The following COL10A1 variants were observed in gnomAD, a reference collection of about 807,000 sequenced individuals.
COL10A1 encodes collagen type X alpha 1 chain.
A neutral mutation model predicts 18.2 loss-of-function variants in COL10A1; 10 were observed. That is an observed-to-expected ratio of 0.55 (90% CI 0.34 to 0.93). COL10A1 has a LOEUF of 0.93. Ranked by LOEUF, COL10A1 falls within the 40% of genes least tolerant of loss-of-function variation. The probability of loss-of-function intolerance (pLI) is 0.02; values close to 1 mark genes in which losing one functional copy is unlikely to be tolerated. For missense variants in COL10A1, 897 were observed against 853.5 expected (o/e 1.05, Z -0.64); for synonymous variants, 330 against 316.6 (o/e 1.04, Z -0.45).
At chr6:116,143,128 C>G (rs1779806643) in intron 1 of COL10A1, among the ~76,000 whole-genome samples, 1 of 152,080 alleles carries the variant, frequency 6.6e-6, no homozygotes, top group Admixed American at 6.5e-5. Context: ...ATAAATTTGC[C>G]TCTGGCATAG....
chr6:116,129,880 C>A (rs1190319236), upstream of COL10A1, among the ~76,000 whole-genome samples: 1 of 152,062 alleles, frequency 6.6e-6, no homozygotes, highest in Non-Finnish European at 1.5e-5. Context: ...GTAGTTAAAT[C>A]TAGAGTTTTC....
the COL10A1 span, among the ~76,000 whole-genome samples, chr6:116,209,879 G>T: frequency 6.6e-6 from 1 of 151,854 alleles, no homozygotes; most frequent in Non-Finnish European, 1.5e-5. Context: ...GCTTCTGAAC[G>T]CAAGTTATTT....
At chr6:116,146,334 TAGAC>T (rs2114382150) in intron 1 of COL10A1, among the ~76,000 whole-genome samples, 1 of 152,350 alleles carries the variant, frequency 6.6e-6, no homozygotes, top group East Asian at 1.9e-4. Context: ...CTGTGATTTT[TAGAC>T]AGCTTGCTAA....
chr6:116,155,908 AC>A (rs1294536701), intron 1 of COL10A1, among the ~76,000 whole-genome samples: 2 of 152,154 alleles, frequency 1.3e-5, no homozygotes, highest in African/African-American at 4.8e-5. Context: ...ATACAAAAAA[AC>A]AATGGGAGAA....
intron 1 of COL10A1, among the ~76,000 whole-genome samples, chr6:116,149,822 T>C (rs887593311): frequency 2.0e-5 from 3 of 152,184 alleles, no homozygotes; most frequent in African/African-American, 7.2e-5. Flanking sequence ...TTAATGAGTC[T>C]CCCTTCTTTA....
chr6:116,199,988 A>G, the COL10A1 span, among the ~76,000 whole-genome samples: 3 of 100,910 alleles, frequency 3.0e-5, no homozygotes, highest in Non-Finnish European at 5.9e-5. Flanking sequence ...CAAAGAGTAC[A>G]GTATGGAAAG....
In COL10A1 at chr6:116,121,222, A is replaced by G; in HGVS notation, c.894T>C (p.Phe298=). 1 of 1,613,248 alleles carries G rather than the reference A, an allele frequency of 6.2e-7. No individual in the cohort carries two copies. Among genetic ancestry groups the G allele is most frequent in the Non-Finnish European group, 8.5e-7 (1 of 1,179,718 alleles). ...GIAGPPGPPG[F]GKPGLPGLKG... ...TCAGGCCTGGCAAGCCTGGTTTCCC[A>G]AAGCCAGGAGGCCCTGGGGGCCCAG... The change falls in exon 3 of 3, where the codon TTT becomes TTC. Residue 298 remains phenylalanine (F), a synonymous_variant. Coordinates refer to ENST00000651968, the MANE Select transcript of COL10A1 (RefSeq NM_000493.4).
upstream of COL10A1, among the ~76,000 whole-genome samples, chr6:116,162,825 A>C (rs1451021356): frequency 1.3e-5 from 2 of 152,020 alleles, no homozygotes; most frequent in Non-Finnish European, 2.9e-5. Flanking sequence ...TCCTCAATTT[A>C]AAAAATATGT....
chr6:116,190,811 A>G, the COL10A1 span, among the ~76,000 whole-genome samples: 1 of 151,990 alleles, frequency 6.6e-6, no homozygotes, highest in Non-Finnish European at 1.5e-5. Context: ...GGTCTGCTGG[A>G]TTTCAGTAAT....
intron 1 of COL10A1, among the ~76,000 whole-genome samples, chr6:116,136,474 T>A (rs991976338): frequency 2.0e-5 from 3 of 151,948 alleles, no homozygotes; most frequent in Admixed American, 6.6e-5. Flanking sequence ...TGGGGTTTTT[T>A]TTAAAAGAAG....
the COL10A1 span, among the ~76,000 whole-genome samples, chr6:116,199,621 T>C: frequency 6.6e-6 from 1 of 152,200 alleles, no homozygotes; most frequent in African/African-American, 2.4e-5. Flanking sequence ...GCAGGAAATA[T>C]ACAAGATGAC....
At chr6:116,140,473 T>A (rs1420241810) in intron 1 of COL10A1, among the ~76,000 whole-genome samples, 1 of 152,174 alleles carries the variant, frequency 6.6e-6, no homozygotes, top group Non-Finnish European at 1.5e-5. Flanking sequence ...GTATATATCA[T>A]TCTTTTATGC....
chr6:116,141,667 C>A (rs1051484440), intron 1 of COL10A1, among the ~76,000 whole-genome samples: 2 of 151,582 alleles, frequency 1.3e-5, no homozygotes, highest in African/African-American at 4.8e-5. Context: ...CTGTGTAAAT[C>A]ATTAACAGAA....
At chr6:116,190,807 C>A in the COL10A1 span, among the ~76,000 whole-genome samples, 1 of 152,002 alleles carries the variant, frequency 6.6e-6, no homozygotes, top group Non-Finnish European at 1.5e-5. Flanking sequence ...GACAGGTCTG[C>A]TGGATTTCAG....
At chr6:116,148,948 G>A (rs1323421101) in intron 1 of COL10A1, among the ~76,000 whole-genome samples, 1 of 152,126 alleles carries the variant, frequency 6.6e-6, no homozygotes, top group African/African-American at 2.4e-5. Context: ...CCAGTCTTTT[G>A]TTTTTAATCT....
the COL10A1 span, among the ~76,000 whole-genome samples, chr6:116,182,835 G>A: frequency 4.6e-5 from 7 of 151,908 alleles, no homozygotes; most frequent in Non-Finnish European, 7.4e-5. Context: ...CCACTCTGTG[G>A]GTTGTCTGTT....
upstream of COL10A1, among the ~76,000 whole-genome samples, chr6:116,129,744 C>T (rs1473861628): frequency 6.6e-6 from 1 of 152,180 alleles, no homozygotes; most frequent in African/African-American, 2.4e-5. Context: ...AAACCTGTTA[C>T]TCTAGGTGTC....
At chr6:116,196,191 T>C in the COL10A1 span, among the ~76,000 whole-genome samples, 5 of 152,052 alleles carry the variant, frequency 3.3e-5, no homozygotes, top group Admixed American at 3.3e-4. Flanking sequence ...TCTAACTTCC[T>C]TGATGACTTA....
chr6:116,216,757 T>C, the COL10A1 span, among the ~76,000 whole-genome samples: 1 of 152,140 alleles, frequency 6.6e-6, no homozygotes, highest in Non-Finnish European at 1.5e-5. Flanking sequence ...AAAATAAATT[T>C]ATCTCTTTTA....
Sources: gnomAD v4.1 joint callset for allele counts (sites outside exome capture counted in the v4.1 genomes callset) on GRCh38, gnomAD v4.1.1 for gene constraint, MANE v1.5 for transcripts, NCBI Gene and HGNC (gene_info 2026-07-23, HGNC 2026-07-21) for gene names.